HAUS7: variants seen among roughly 807,000 people sequenced by gnomAD.
The protein encoded by HAUS7 is HAUS augmin-like complex subunit 7.
In HAUS7, 3 loss-of-function variants were observed where a neutral mutation model predicts 28.4. That is an observed-to-expected ratio of 0.11 (90% CI 0.05 to 0.27). The LOEUF (loss-of-function observed/expected upper bound fraction) is 0.27, where lower values mean the gene tolerates loss of function less well. Ranked by LOEUF, HAUS7 falls within the 10% of genes least tolerant of loss-of-function variation. HAUS7 has a pLI of 1.00. For synonymous variants in HAUS7, 165 were observed against 132.1 expected (o/e 1.25, Z -1.71); for missense variants, 284 against 297.3 (o/e 0.96, Z 0.33).
intron 1 of HAUS7, among the ~76,000 whole-genome samples, chrX:153,476,836 ACT>A (rs1324093411): frequency 9.2e-6 from 1 of 108,724 alleles, no homozygotes; most frequent in Non-Finnish European, 1.9e-5. Context: ...GCTCGGGATT[ACT>A]GTTGGCTTGG....
In HAUS7 at chrX:153,455,700, G is replaced by A; in HGVS notation, c.772C>T (p.Leu258=). 1.7e-6 allele frequency: 2 copies of A among 1,206,490 alleles called. No individual in the cohort carries two copies. The highest frequency in any genetic ancestry group is 2.2e-6 in the Non-Finnish European group (2 of 890,497). ...TGGAAGTCGGAAGTGACCAGACGCAGCTTCTGGTCTAGGGTGCTGATGTCG... is the reference window on the plus strand; with the variant it reads ...TGGAAGTCGGAAGTGACCAGACGCAACTTCTGGTCTAGGGTGCTGATGTCG... ...AADISTLDQK[L]RLVTSDFHQL... Residue 258 remains leucine, a synonymous_variant, in exon 8 of 10, where the codon CTG becomes TTG. Transcript: ENST00000370211.
intron 4 of HAUS7, among the ~76,000 whole-genome samples, chrX:153,460,383 C>T (rs886870956): frequency 9.0e-6 from 1 of 111,597 alleles, no homozygotes; most frequent in Non-Finnish European, 1.9e-5. Flanking sequence ...TACGCTTTAA[C>T]GCGGCTTAAA....
At chrX:153,448,651 A>G (rs1278601355) in intron 9 of HAUS7, among the ~76,000 whole-genome samples, 1 of 112,407 alleles carries the variant, frequency 8.9e-6, no homozygotes, top group Non-Finnish European at 1.9e-5. Context: ...CCTCCTGCCC[A>G]CCACTCAAGG....
At chrX:153,458,262 G>A (rs1347968038) in intron 4 of HAUS7, among the ~76,000 whole-genome samples, 1 of 113,195 alleles carries the variant, frequency 8.8e-6, no homozygotes, top group Non-Finnish European at 1.9e-5. Context: ...CAGGGGCGAT[G>A]GCACTGGGAG....
chrX:153,479,491 G>T (rs782265619), intron 1 of HAUS7: 7 of 521,660 alleles, frequency 1.3e-5, no homozygotes, highest in Non-Finnish European at 1.6e-5. Flanking sequence ...CCCTGAGAGA[G>T]CCCTCCCTGG....
intron 2 of HAUS7, 98 bp from the exon 3 acceptor site, chrX:153,465,153 C>G (rs2089439872): frequency 1.8e-6 from 1 of 545,459 alleles, no homozygotes; most frequent in East Asian, 3.4e-5. Flanking sequence ...TGTGCACGTG[C>G]TCAACGGCAC....
At chrX:153,471,789 G>A (rs1234628516), upstream of HAUS7, among the ~76,000 whole-genome samples, 1 of 112,025 alleles carries the variant, frequency 8.9e-6, no homozygotes, top group African/African-American at 3.2e-5. Flanking sequence ...GAGGGAGCGG[G>A]CAGGAGTCCG....
chrX:153,455,906 G>A (rs1450522411), intron 7 of HAUS7, 140 bp from the exon 8 acceptor site: 3 of 453,354 alleles, frequency 6.6e-6, no homozygotes, highest in South Asian at 3.3e-5. Flanking sequence ...TGTACCGAGC[G>A]ACTCAGGCCA....
intron 4 of HAUS7, 22 bp downstream of exon 4, chrX:153,462,588 G>A: frequency 8.9e-7 from 1 of 1,124,003 alleles, no homozygotes; most frequent in Non-Finnish European, 1.2e-6. Context: ...GCCGTCTGCA[G>A]AGCAGACAGA....
At chrX:153,451,651 C>T (rs2089240921) in intron 9 of HAUS7, among the ~76,000 whole-genome samples, 1 of 112,441 alleles carries the variant, frequency 8.9e-6, no homozygotes, top group African/African-American at 3.2e-5. Context: ...ACAGCAAATG[C>T]TTTAGCTGCT....
rs192038375 is a variant in HAUS7, at chrX:153,449,701, T to C, written c.1046-1792A>G. Among the ~76,000 whole-genome samples the C allele has an allele frequency of 4.4e-3, 490 of 111,884 alleles. 2 individuals carry two copies. The highest frequency in any genetic ancestry group is 0.015 in the African/African-American group (455 of 30,816). Reference sequence around the variant, plus strand: ...CCCCTGTACTCCAGATGGCAGGAGGTGGGTTCCATCTACCCTGTGCTCGGC... The same window carrying C: ...CCCCTGTACTCCAGATGGCAGGAGGCGGGTTCCATCTACCCTGTGCTCGGC... On this transcript the variant is annotated intron_variant, in intron 9 of 9. Transcript: ENST00000370211.
intron 1 of HAUS7, among the ~76,000 whole-genome samples, chrX:153,493,057 G>A (rs965011617): frequency 2.7e-5 from 3 of 112,210 alleles, no homozygotes; most frequent in Admixed American, 9.4e-5. Context: ...CACGATTTGC[G>A]CATTGAGCAC....
intron 1 of HAUS7, among the ~76,000 whole-genome samples, chrX:153,486,466 C>T (rs1029077360): frequency 7.1e-5 from 8 of 112,435 alleles, no homozygotes; most frequent in Non-Finnish European, 1.1e-4. Context: ...GCCAGGAGGC[C>T]GCAGTGGTCT....
At chrX:153,453,913 G>A (rs2089269301) in intron 9 of HAUS7, among the ~76,000 whole-genome samples, 1 of 108,763 alleles carries the variant, frequency 9.2e-6, no homozygotes, top group South Asian at 4.1e-4. Context: ...TCCCTCTCAT[G>A]GGCTCAAGTG....
At chrX:153,493,082 C>A (rs1164017409) in intron 1 of HAUS7, among the ~76,000 whole-genome samples, 4 of 112,389 alleles carry the variant, frequency 3.6e-5, no homozygotes, top group African/African-American at 1.3e-4. Flanking sequence ...AAGGCAAGGG[C>A]TTTTATATGG....
In HAUS7 at chrX:153,482,754, C is replaced by A. The variant is rs782706978; in HGVS notation, c.-588-11609G>T. The A allele has an allele frequency of 3.7e-5, 28 of 755,535 alleles. No homozygotes were observed. In the African/African-American group the frequency reaches 6.4e-4, roughly 17 times the overall value. 62.3% of individuals were successfully genotyped at this position (755,535 alleles called of 1,213,427 possible). On this transcript the variant is annotated intron_variant, in intron 1 of 5. Transcript: ENST00000370210. ...GTTGACGCTGGAGGTGGAAGGGAAC[C>A]AGCTGCGTGACAGGGACATCTCCCC...
chrX:153,462,969 G>T (rs1369083214), intron 3 of HAUS7: 1 of 431,783 alleles, frequency 2.3e-6, no homozygotes, highest in African/African-American at 2.4e-5. Context: ...AGGGGTCAGT[G>T]AACCTCTACA....
intron 4 of HAUS7, among the ~76,000 whole-genome samples, chrX:153,459,751 C>T (rs1457766629): frequency 8.9e-6 from 1 of 112,561 alleles, no homozygotes; most frequent in African/African-American, 3.2e-5. Context: ...CACAATGGCT[C>T]ATGCCCGTCA....
chrX:153,487,534 C>T (rs2089646759), intron 1 of HAUS7, among the ~76,000 whole-genome samples: 2 of 112,517 alleles, frequency 1.8e-5, no homozygotes, highest in South Asian at 7.4e-4. Context: ...GCACACCCAC[C>T]TGCAAGAGAG....
Sources: allele counts gnomAD v4.1 joint callset (sites outside exome capture counted in the v4.1 genomes callset), GRCh38; gene constraint gnomAD v4.1.1; transcripts MANE v1.5; gene names NCBI Gene and HGNC (gene_info 2026-07-23, HGNC 2026-07-21).